Variants in ARL8A observed in about 807,000 individuals in gnomAD.
The protein encoded by ARL8A is ARF like GTPase 8A, also known as ADP-ribosylation factor-like protein 8A.
In ARL8A, 10 loss-of-function variants were observed where a neutral mutation model predicts 31.2. The observed-to-expected ratio is 0.32, with a 90% confidence interval of 0.20 to 0.54. The LOEUF is 0.54. Ranked by LOEUF, ARL8A falls within the 20% of genes least tolerant of loss-of-function variation. The pLI is 0.93. For missense variants in ARL8A, 129 were observed against 242.8 expected (o/e 0.53, Z 3.12); for synonymous variants, 70 against 86.9 (o/e 0.81, Z 1.08).
In ARL8A at chr1:202,135,935, G is replaced by T; in HGVS notation, c.279-135C>A. The stretch of plus-strand genomic sequence containing the variant: ...TCACCTCGGGATCCATGGGCTACCT[G>T]GCCTGGCTCAAGGCAGGTGCTCCGC... On this transcript the variant is annotated intron_variant, in intron 3 of 6. Transcript: ENST00000272217. This position sits in a 1 kb window ranked among gnomAD's most constrained non-coding sequence, Gnocchi z 5.3. The T allele has an allele frequency of 1.3e-6, 1 of 776,834 alleles. No homozygotes were observed. Among genetic ancestry groups the T allele is most frequent in the Non-Finnish European group, 2.2e-6 (1 of 457,664 alleles). The allele number at this position is 776,834 out of a possible 1,614,324, so 48.1% of individuals were successfully genotyped here. A position where few individuals can be genotyped will look rare whatever the true frequency, so the allele number is the denominator to read the frequency against.
In ARL8A at chr1:202,144,532, G is replaced by A. The variant is rs888265000; in HGVS notation, c.41C>T (p.Ala14Val). ...LFNKLLDWFKALFWKEEMELT... is the reference protein window; with the variant it reads ...LFNKLLDWFKVLFWKEEMELT... ...CTCCATCTCCTCCTTCCAGAATAGG[G>A]CCTTGAACCAGTCCAGCAGCTTGTT... The change falls in exon 1 of 7, where the codon GCC becomes GTC. Residue 14 changes from alanine to valine, a missense_variant. Physicochemically the swap from Ala to Val is moderately conservative, Grantham distance 64 (BLOSUM62 0). Transcript: ENST00000272217. The surrounding 1 kb of genome is among the most constrained non-coding windows in gnomAD (Gnocchi z 5.2). The A allele has an allele frequency of 2.7e-6, 4 of 1,480,960 alleles. No individual in the cohort carries two copies. The highest frequency in any genetic ancestry group is 1.1e-5 in the South Asian group (1 of 87,804). The allele number at this position is 1,480,960 out of a possible 1,614,324, so 91.7% of individuals were successfully genotyped here. A position where few individuals can be genotyped will look rare whatever the true frequency, so the allele number is the denominator to read the frequency against.
At chr1:202,142,579 C>T (rs1219698756) in intron 1 of ARL8A, among the ~76,000 whole-genome samples, 1 of 152,202 alleles carries the variant, frequency 6.6e-6, no homozygotes, top group African/African-American at 2.4e-5. Context: ...AGCTTGCCTG[C>T]TCTTTTAGAA....
In ARL8A at chr1:202,135,273, G is replaced by C; in HGVS notation, c.441-53C>G. The C allele has an allele frequency of 6.4e-7, 1 of 1,561,562 alleles. No individual in the cohort carries two copies. Among genetic ancestry groups the C allele is most frequent in the Non-Finnish European group, 8.8e-7 (1 of 1,132,482 alleles). ...GAGGCTACGAACGTCCAGGGGGCCT[G>C]GGGCTAGGGGACAGCGGGGCCTTTT... is the stretch of plus-strand genomic sequence containing the variant. On this transcript the variant is annotated intron_variant, in intron 5 of 6. Transcript: ENST00000272217. This position sits in a 1 kb window ranked among gnomAD's most constrained non-coding sequence, Gnocchi z 5.3.
At chr1:202,139,485 A>G (rs941681372) in intron 1 of ARL8A, among the ~76,000 whole-genome samples, 1 of 151,194 alleles carries the variant, frequency 6.6e-6, no homozygotes, top group Admixed American at 6.6e-5. Context: ...AGGCAGGTGA[A>G]TCGCTTGAAC....
At position 202,138,102 on chromosome 1, in the gene ARL8A, T is replaced by C; in HGVS notation, c.205-64A>G. The C allele has an allele frequency of 6.3e-7, 1 of 1,580,482 alleles. No homozygotes were observed. The highest frequency in any genetic ancestry group is 8.7e-7 in the Non-Finnish European group (1 of 1,152,208). On this transcript the variant is annotated intron_variant, in intron 2 of 6. Coordinates refer to ENST00000272217, the MANE Select transcript of ARL8A (RefSeq NM_138795.4). This position sits in a 1 kb window ranked among gnomAD's most constrained non-coding sequence, Gnocchi z 4.4. ...AGGCCACCAAAACGTGTCTTGGGTC[T>C]CAAATGCCCCCTCCTACCCTGCCCT...
In ARL8A at chr1:202,143,372, C is replaced by T. The variant is rs1013015898; in HGVS notation, c.123+1078G>A. Among the ~76,000 whole-genome samples the T allele has an allele frequency of 2.0e-5, 3 of 152,318 alleles. No individual in the cohort carries two copies. In the South Asian group the frequency reaches 6.2e-4, roughly 32 times the overall value. On this transcript the variant is annotated intron_variant, in intron 1 of 6. Coordinates refer to ENST00000272217, the MANE Select transcript of ARL8A (RefSeq NM_138795.4). ...CACGGACAGGTAGAGGTACCTAGGC[C>T]GGCTGGATACATTCCTCTGCTGACC...
chr1:202,135,131 T>A lies in ARL8A; in HGVS notation c.511+19A>T. On this transcript the variant is annotated intron_variant, in intron 6 of 6. Coordinates refer to ENST00000272217, the MANE Select transcript of ARL8A (RefSeq NM_138795.4). This position sits in a 1 kb window ranked among gnomAD's most constrained non-coding sequence, Gnocchi z 5.3. Reference sequence around the variant, plus strand: ...AGAAATGCCTCTCCCCTCTCCTCCCTTTCCCCCATCCTACGCACCAATGTT... The same window carrying A: ...AGAAATGCCTCTCCCCTCTCCTCCCATTCCCCCATCCTACGCACCAATGTT... 6.2e-7 allele frequency: 1 copy of A among 1,609,602 alleles called. No individual in the cohort carries two copies. Among genetic ancestry groups the A allele is most frequent in the Non-Finnish European group, 8.5e-7 (1 of 1,175,890 alleles).
chr1:202,133,838 G>A lies in ARL8A; in HGVS notation c.*629C>T, dbSNP rs1199005895. On this transcript the variant is annotated 3_prime_UTR_variant, in exon 7 of 7. Coordinates refer to ENST00000272217, the MANE Select transcript of ARL8A (RefSeq NM_138795.4). The stretch of plus-strand genomic sequence containing the variant: ...AGGGGAGGGGCCCCCAGAGGCCCCT[G>A]CCAGCCTGTGGCATTCAAGCACTGC... 6.6e-6 allele frequency: 1 copy of A among 152,182 alleles called. No individual in the cohort carries two copies. Among genetic ancestry groups the A allele is most frequent in the Non-Finnish European group, 1.5e-5 (1 of 68,058 alleles). The allele number at this position is 152,182 out of a possible 1,614,324, so 9.4% of individuals were successfully genotyped here. A position where few individuals can be genotyped will look rare whatever the true frequency, so the allele number is the denominator to read the frequency against.
chr1:202,134,635 T>C lies in ARL8A; in HGVS notation c.512-119A>G. On this transcript the variant is annotated intron_variant, in intron 6 of 6. Transcript: ENST00000272217. The surrounding 1 kb of genome is among the most constrained non-coding windows in gnomAD (Gnocchi z 4.2). ...AGAAGTCCAGAGATGCCAGGAGGGG[T>C]GGCGCACACCTGGAGTCTCAGCTAC... 1.1e-6 allele frequency: 1 copy of C among 909,356 alleles called. No homozygotes were observed. The highest frequency in any genetic ancestry group is 2.4e-5 in the East Asian group (1 of 41,400). The allele number at this position is 909,356 out of a possible 1,614,324, so 56.3% of individuals were successfully genotyped here.
chr1:202,135,654 A>G lies in ARL8A; in HGVS notation c.372+53T>C. On this transcript the variant is annotated intron_variant, in intron 4 of 6. Transcript: ENST00000272217. The surrounding 1 kb of genome is among the most constrained non-coding windows in gnomAD (Gnocchi z 5.3). ...CCATGCCTGGCTTTTACCTGCTCCC[A>G]GTGACTTCCCAGCCGAGCTCCCTCC... 1 of 1,589,484 alleles carries G rather than the reference A, an allele frequency of 6.3e-7. No homozygotes were observed. The highest frequency in any genetic ancestry group is 8.6e-7 in the Non-Finnish European group (1 of 1,158,228).
rs887277188 is a variant in ARL8A at position 202,134,238 on chromosome 1, AGGCAGCG to A, written c.*222_*228del. ...GAGGCAGGGCTGGGTGATGGGACAA[AGGCAGCG>A]GGGAAGGGTGAGAAGTTAGGGGACC... is the stretch of plus-strand genomic sequence containing the variant. On this transcript the variant is annotated 3_prime_UTR_variant, in exon 7 of 7. Coordinates refer to ENST00000272217, the MANE Select transcript of ARL8A (RefSeq NM_138795.4). The surrounding 1 kb of genome is among the most constrained non-coding windows in gnomAD (Gnocchi z 4.2). 19 of 543,242 alleles carry A rather than the reference AGGCAGCG, an allele frequency of 3.5e-5. No individual in the cohort carries two copies. Among genetic ancestry groups the A allele is most frequent in the Middle Eastern group, 4.9e-4 (1 of 2,046 alleles). The allele number at this position is 543,242 out of a possible 1,614,324, so 33.7% of individuals were successfully genotyped here. A position where few individuals can be genotyped will look rare whatever the true frequency, so the allele number is the denominator to read the frequency against.
chr1:202,144,710 C>G lies in ARL8A; in HGVS notation c.-138G>C, dbSNP rs1230745002. The stretch of plus-strand genomic sequence containing the variant: ...CGGGCGGAGGCTCGAGCGCGGCTGC[C>G]GACGACTCGCTGCCCCGGAATCGGC... On this transcript the variant is annotated 5_prime_UTR_variant, in exon 1 of 7. Coordinates refer to ENST00000272217, the MANE Select transcript of ARL8A (RefSeq NM_138795.4). The surrounding 1 kb of genome is among the most constrained non-coding windows in gnomAD (Gnocchi z 5.2). The G allele has an allele frequency of 1.0e-5, 9 of 899,330 alleles. No individual in the cohort carries two copies. The highest frequency in any genetic ancestry group is 1.2e-5 in the Non-Finnish European group (9 of 740,086). The allele number at this position is 899,330 out of a possible 1,614,324, so 55.7% of individuals were successfully genotyped here.
At chr1:202,137,108 G>A (rs564662872) in intron 3 of ARL8A, among the ~76,000 whole-genome samples, 2 of 151,990 alleles carry the variant, frequency 1.3e-5, no homozygotes, top group East Asian at 3.9e-4. Flanking sequence ...CGCCCACCTC[G>A]GCCTCCCAAA....
chr1:202,141,574 G>A (rs774830308), intron 1 of ARL8A, among the ~76,000 whole-genome samples: 1 of 151,500 alleles, frequency 6.6e-6, no homozygotes, highest in Non-Finnish European at 1.5e-5. Context: ...CCTGGGAGGC[G>A]GAGGTTGCAG....
At chr1:202,140,624 G>A (rs550010473) in intron 1 of ARL8A, among the ~76,000 whole-genome samples, 4 of 152,294 alleles carry the variant, frequency 2.6e-5, no homozygotes, top group Non-Finnish European at 5.9e-5. Flanking sequence ...TGTGTGCAAA[G>A]TTTTGTTTGT....
chr1:202,135,793 C>G lies in ARL8A; in HGVS notation c.286G>C (p.Val96Leu). Residue 96 changes from valine to leucine, a missense_variant, in exon 4 of 7, where the codon GTG becomes CTG. Coordinates refer to ENST00000272217, the MANE Select transcript of ARL8A (RefSeq NM_138795.4). The surrounding 1 kb of genome is among the most constrained non-coding windows in gnomAD (Gnocchi z 5.3). ...ATCTTCTCCTGGTCAGCAGCATCCA[C>G]CATGTACCTGGGGAAAGAGGCAGGG... ...CRGVSAIVYM[V>L]DAADQEKIEA... 1 of 1,613,978 alleles carries G rather than the reference C, an allele frequency of 6.2e-7. No homozygotes were observed. Among genetic ancestry groups the G allele is most frequent in the Non-Finnish European group, 8.5e-7 (1 of 1,179,882 alleles).
chr1:202,135,268 G>C lies in ARL8A; in HGVS notation c.441-48C>G. On this transcript the variant is annotated intron_variant, in intron 5 of 6. Transcript: ENST00000272217. The surrounding 1 kb of genome is among the most constrained non-coding windows in gnomAD (Gnocchi z 5.3). ...CCGCTGAGGCTACGAACGTCCAGGG[G>C]GCCTGGGGCTAGGGGACAGCGGGGC... 6.4e-7 allele frequency: 1 copy of C among 1,574,546 alleles called. No homozygotes were observed. The highest frequency in any genetic ancestry group is 8.7e-7 in the Non-Finnish European group (1 of 1,144,110).
intron 3 of ARL8A, among the ~76,000 whole-genome samples, chr1:202,136,269 A>C (rs965511792): frequency 6.6e-6 from 1 of 152,010 alleles, no homozygotes; most frequent in Admixed American, 6.6e-5. Context: ...ATATAGAATA[A>C]ATTTTATTAT....
At chr1:202,143,815 C>A (rs1311323567) in intron 1 of ARL8A, among the ~76,000 whole-genome samples, 1 of 152,202 alleles carries the variant, frequency 6.6e-6, no homozygotes, top group Non-Finnish European at 1.5e-5. Context: ...CGTTACCATG[C>A]GATCCTCCCT....
Sources: allele counts gnomAD v4.1 joint callset (sites outside exome capture counted in the v4.1 genomes callset), GRCh38; gene constraint gnomAD v4.1.1; non-coding constraint Gnocchi (gnomAD v3.1); transcripts MANE v1.5; gene names NCBI Gene and HGNC (gene_info 2026-07-23, HGNC 2026-07-21).